The following TRAP1 variants were observed in gnomAD, a reference collection of about 807,000 sequenced individuals.
The protein encoded by TRAP1 is TNF receptor associated protein 1.
TRAP1 carries 102 observed loss-of-function variants against 89.1 expected under a neutral mutation model. That is an observed-to-expected ratio of 1.15 (90% CI 0.98 to 1.35). The LOEUF is 1.35. TRAP1 is among the 40% of genes most tolerant of loss of function. The pLI is 0.00. For synonymous variants in TRAP1, 508 were observed against 388.0 expected, an observed-to-expected ratio of 1.31 and a Z score of -3.64; for missense variants, 1,256 against 945.3, an observed-to-expected ratio of 1.33 and a Z score of -4.31.
intron 16 of TRAP1, 97 bp from the exon 17 acceptor site, chr16:3,658,962 G>GT: frequency 2.4e-6 from 3 of 1,232,230 alleles, no homozygotes; most frequent in Non-Finnish European, 3.5e-6. Context: ...AAGAAGCACA[G>GT]TAAGACTGTC....
chr16:3,675,951 G>A, intron 7 of TRAP1, 85 bp downstream of exon 7: 15 of 1,221,962 alleles, frequency 1.2e-5, no homozygotes, highest in Non-Finnish European at 1.7e-5. Context: ...CGTGCAGGTA[G>A]AACCAGGGAA....
intron 4 of TRAP1, among the ~76,000 whole-genome samples, chr16:3,685,467 C>T (rs2051126691): frequency 6.6e-6 from 1 of 152,104 alleles, no homozygotes. Context: ...GTCCACCTCT[C>T]CACAGAGACA....
intron 1 of TRAP1, among the ~76,000 whole-genome samples, chr16:3,717,082 C>T (rs2051607314): frequency 6.6e-6 from 1 of 152,366 alleles, no homozygotes; most frequent in South Asian, 2.1e-4. Flanking sequence ...CTCCGCGCTC[C>T]GCAGCGGCTC....
intron 15 of TRAP1, 52 bp from the exon 16 acceptor site, chr16:3,662,184 G>A (rs764566003): frequency 1.5e-5 from 23 of 1,575,758 alleles, no homozygotes; most frequent in Middle Eastern, 2.0e-4. Context: ...ATGTGAGAGG[G>A]CTGGCAGGAT....
chr16:3,698,820 A>T (rs1020571660), intron 1 of TRAP1, among the ~76,000 whole-genome samples: 1 of 151,996 alleles, frequency 6.6e-6, no homozygotes, highest in African/African-American at 2.4e-5. Flanking sequence ...TGCAAGGCAG[A>T]GGTTGCAGTG....
At chr16:3,661,917 A>G in intron 16 of TRAP1, 70 bp downstream of exon 16, 2 of 1,501,444 alleles carry the variant, frequency 1.3e-6, no homozygotes, top group Non-Finnish European at 8.9e-7. Flanking sequence ...CACATTCCAC[A>G]ACAAAAGAAC....
At chr16:3,668,907 G>T (rs918156639) in intron 11 of TRAP1, among the ~76,000 whole-genome samples, 2 of 152,196 alleles carry the variant, frequency 1.3e-5, no homozygotes, top group African/African-American at 4.8e-5. Flanking sequence ...ATGGGGAGAG[G>T]AACGCAGCCG....
rs2051022139 is a variant in TRAP1, at chr16:3,677,996, T to A, written c.544-338A>T. The A allele has an allele frequency of 2.4e-5, 6 of 246,602 alleles. No homozygotes were observed. In the South Asian group the frequency reaches 2.9e-4, roughly 12 times the overall value. 15.3% of individuals were successfully genotyped at this position (246,602 alleles called of 1,614,324 possible). A position where few individuals can be genotyped will look rare whatever the true frequency, so the allele number is the denominator to read the frequency against. On this transcript the variant is annotated intron_variant, in intron 5 of 17. Transcript: ENST00000246957. ...AAGCTCTTTCCCTTGAATAAGCTCC[T>A]TCCATAGGAAGGCCAGGAGTGAGGA...
Position 3,658,080 on chromosome 16 carries a change from G to A in TRAP1, c.*49C>T, listed in dbSNP as rs200677183. 1.8e-4 allele frequency: 289 copies of A among 1,610,732 alleles called. 1 individual carries two copies. The highest frequency in any genetic ancestry group is 1.3e-4 in the Non-Finnish European group (156 of 1,177,548). ...TTAAATTTAGGTAAATAAAGCTCAA[G>A]GAGGTGGGGCTGTCATCTGTGGTGT... On this transcript the variant is annotated 3_prime_UTR_variant, in exon 18 of 18. Transcript: ENST00000246957.
At chr16:3,680,101 C>G (rs976262690) in intron 4 of TRAP1, 4 of 259,232 alleles carry the variant, frequency 1.5e-5, no homozygotes, top group South Asian at 1.1e-4. Context: ...ATGGCGAGCA[C>G]CTGTGGTTCC....
In TRAP1 at chr16:3,663,467, G is replaced by T. The variant is rs139364551; in HGVS notation, c.1665C>A (p.Val555=). ...ACTTCTCCTCCTTGTAGTGATCCAC[G>T]ACTATGTCCGTCTCCACAGAGATCA... ...KKLISVETDI[V]VDHYKEEKFE... Residue 555 remains valine, a synonymous_variant, in exon 14 of 18, where the codon GTC becomes GTA. Transcript: ENST00000246957. 2 of 1,614,150 alleles carry T rather than the reference G, an allele frequency of 1.2e-6. No individual in the cohort carries two copies. The highest frequency in any genetic ancestry group is 2.7e-5 in the African/African-American group (2 of 75,044).
intron 16 of TRAP1, chr16:3,659,770 T>TAGAC (rs1260102364): frequency 6.7e-6 from 1 of 149,462 alleles, no homozygotes; most frequent in African/African-American, 2.5e-5. Flanking sequence ...GATAGATAGA[T>TAGAC]AGATAGATAG....
At chr16:3,710,251 C>G (rs1337740847) in intron 1 of TRAP1, 1 of 152,204 alleles carries the variant, frequency 6.6e-6, no homozygotes, top group African/African-American at 2.4e-5. Flanking sequence ...CATATGAAAT[C>G]CATCTCATTC....
intron 9 of TRAP1, 140 bp downstream of exon 9, chr16:3,674,199 G>T: frequency 8.4e-7 from 1 of 1,194,780 alleles, no homozygotes; most frequent in South Asian, 1.5e-5. Flanking sequence ...GGGATAACAG[G>T]CGTGAGCCAC....
intron 11 of TRAP1, among the ~76,000 whole-genome samples, chr16:3,670,315 G>A (rs1310151731): frequency 1.4e-5 from 2 of 141,272 alleles, no homozygotes; most frequent in Non-Finnish European, 3.0e-5. Context: ...CCTAGGAGGC[G>A]AAGGTTGCAG....
At chr16:3,686,713 G>A (rs1019440723) in intron 3 of TRAP1, among the ~76,000 whole-genome samples, 1 of 152,142 alleles carries the variant, frequency 6.6e-6, no homozygotes, top group Non-Finnish European at 1.5e-5. Context: ...GCTCATGCTT[G>A]TAATCCAGGC....
Position 3,666,239 on chromosome 16 carries a change from G to A in TRAP1, c.1236-121C>T, listed in dbSNP as rs138692059. 9.5e-5 allele frequency: 119 copies of A among 1,249,570 alleles called. 2 individuals are homozygous for A. The highest frequency in any genetic ancestry group is 6.3e-5 in the Non-Finnish European group (58 of 916,186). The allele number at this position is 1,249,570 out of a possible 1,614,324, so 77.4% of individuals were successfully genotyped here. A position where few individuals can be genotyped will look rare whatever the true frequency, so the allele number is the denominator to read the frequency against. ...AAAGAAGTGAAAACAACAAGGTACCGTTATTGGCCAAACTGAAAAAGACTG... is the reference window on the plus strand; with the variant it reads ...AAAGAAGTGAAAACAACAAGGTACCATTATTGGCCAAACTGAAAAAGACTG... On this transcript the variant is annotated intron_variant, in intron 11 of 17. Transcript: ENST00000246957.
intron 1 of TRAP1, among the ~76,000 whole-genome samples, chr16:3,695,934 G>T (rs902340047): frequency 6.6e-6 from 1 of 152,200 alleles, no homozygotes; most frequent in Non-Finnish European, 1.5e-5. Context: ...GGAGGTACAG[G>T]CATCAGTACA....
At chr16:3,701,550 CAA>C (rs34870237) in intron 1 of TRAP1, among the ~76,000 whole-genome samples, 30 of 120,030 alleles carry the variant, frequency 2.5e-4, no homozygotes, top group Admixed American at 3.5e-4. Flanking sequence ...GACCCTGTCC[CAA>C]AAAAAAAAAA....
Sources: allele counts gnomAD v4.1 joint callset (sites outside exome capture counted in the v4.1 genomes callset), GRCh38; gene constraint gnomAD v4.1.1; transcripts MANE v1.5; gene names NCBI Gene and HGNC (gene_info 2026-07-23, HGNC 2026-07-21).